Variants in SNX29 observed in about 807,000 individuals in gnomAD.
The protein encoded by SNX29 is sorting nexin 29, also known as sorting nexin-29.
In SNX29, 78 loss-of-function variants were observed where a neutral mutation model predicts 102.1. That is an observed-to-expected ratio of 0.76 (90% CI 0.64 to 0.92). The LOEUF (loss-of-function observed/expected upper bound fraction) is 0.92, where lower values mean the gene tolerates loss of function less well. Among genes scored for constraint, SNX29 ranks in the 40% least tolerant of loss-of-function variants. The probability of loss-of-function intolerance (pLI) is 0.00; values close to 1 mark genes in which losing one functional copy is unlikely to be tolerated. For missense variants in SNX29, 1,280 were observed against 1,061.7 expected (o/e 1.21, Z -2.86); for synonymous variants, 580 against 414.5 (o/e 1.40, Z -4.85).
chr16:12,568,806 T>A lies in SNX29; in HGVS notation c.*177T>A. ...TAAACTAATCAGTCTTCGAGCCGCA[T>A]GATACCGTGACCCGAGAGACCAAGG... On this transcript the variant is annotated 3_prime_UTR_variant, in exon 21 of 21. Coordinates refer to ENST00000566228, the MANE Select transcript of SNX29 (RefSeq NM_032167.5). The A allele has an allele frequency of 9.8e-7, 1 of 1,018,274 alleles. No individual in the cohort carries two copies. Among genetic ancestry groups the A allele is most frequent in the Non-Finnish European group, 1.4e-6 (1 of 719,122 alleles). The allele number at this position is 1,018,274 out of a possible 1,614,324, so 63.1% of individuals were successfully genotyped here.
At position 12,287,894 on chromosome 16, in the gene SNX29, A is replaced by T. The variant is rs2079651341; in HGVS notation, c.1782+9858A>T. Among the ~76,000 whole-genome samples, 3 of 152,110 alleles carry T rather than the reference A, an allele frequency of 2.0e-5. No individual in the cohort carries two copies. In the South Asian group the frequency reaches 6.2e-4, roughly 32 times the overall value. On this transcript the variant is annotated intron_variant, in intron 15 of 20. Coordinates refer to ENST00000566228, the MANE Select transcript of SNX29 (RefSeq NM_032167.5). ...TTGATCCTAGAGAATTTCTCCTACC[A>T]GTGTTTTTTGAGGGTGTATTACATG...
chr16:12,087,845 G>C (rs11648228), intron 11 of SNX29: 2 of 456,734 alleles, frequency 4.4e-6, no homozygotes, highest in Non-Finnish European at 8.8e-6. Context: ...CCTGGTTGAC[G>C]TGGCTGGGAA....
intron 13 of SNX29, among the ~76,000 whole-genome samples, chr16:12,165,329 T>C (rs1399885826): frequency 6.6e-6 from 1 of 152,244 alleles, no homozygotes; most frequent in East Asian, 1.9e-4. Flanking sequence ...TATTATGTGG[T>C]GCATATACAG....
intron 20 of SNX29, among the ~76,000 whole-genome samples, chr16:12,540,393 A>G (rs2077277224): frequency 6.6e-6 from 1 of 152,218 alleles, no homozygotes; most frequent in Non-Finnish European, 1.5e-5. Context: ...AAATTGGCAC[A>G]AAGTTAGTGG....
chr16:12,406,136 A>G (rs2084154645), intron 18 of SNX29, among the ~76,000 whole-genome samples: 1 of 152,184 alleles, frequency 6.6e-6, no homozygotes, highest in South Asian at 2.1e-4. Context: ...AAAAAAATAC[A>G]TCAGGGTCAA....
intron 2 of SNX29, among the ~76,000 whole-genome samples, 160 bp from the exon 3 acceptor site, chr16:12,002,831 C>T (rs1033750589): frequency 6.6e-6 from 1 of 152,184 alleles, no homozygotes; most frequent in Middle Eastern, 3.2e-3. Context: ...CTTCTTAAGT[C>T]TTGTGCTGAT....
chr16:12,226,186 T>C (rs1447409760), intron 14 of SNX29, among the ~76,000 whole-genome samples: 3 of 152,230 alleles, frequency 2.0e-5, no homozygotes, highest in African/African-American at 7.2e-5. Context: ...TTAATGTTAA[T>C]AGGCAGCCAC....
intron 13 of SNX29, among the ~76,000 whole-genome samples, chr16:12,195,191 T>C (rs939612758): frequency 1.3e-5 from 2 of 152,192 alleles, no homozygotes; most frequent in African/African-American, 2.4e-5. Context: ...GTAATATTCA[T>C]CCCTGGGGAT....
At chr16:12,463,315 C>G (rs1169041246) in intron 18 of SNX29, among the ~76,000 whole-genome samples, 1 of 152,192 alleles carries the variant, frequency 6.6e-6, no homozygotes, top group Non-Finnish European at 1.5e-5. Context: ...GGTTTTCATG[C>G]TGCTGATAAA....
intron 18 of SNX29, among the ~76,000 whole-genome samples, chr16:12,417,330 G>T (rs1416892527): frequency 6.6e-6 from 1 of 152,180 alleles, no homozygotes; most frequent in Non-Finnish European, 1.5e-5. Context: ...AGCTTCCATG[G>T]AAGCCGCCTC....
At chr16:12,431,049 A>G (rs4781235) in intron 18 of SNX29, among the ~76,000 whole-genome samples, 89,841 of 151,820 alleles carry the variant, frequency 0.59, 26,734 homozygotes, top group East Asian at 0.69. Context: ...ACGGAGTTTC[A>G]CCGTGTTGGT....
At chr16:12,458,563 G>T (rs1460325483) in intron 18 of SNX29, among the ~76,000 whole-genome samples, 1 of 152,178 alleles carries the variant, frequency 6.6e-6, no homozygotes, top group Non-Finnish European at 1.5e-5. Flanking sequence ...TTTCTAGAGG[G>T]AGAAAGGAAG....
intron 20 of SNX29, among the ~76,000 whole-genome samples, chr16:12,557,021 C>CCCCT (rs2078408678): frequency 4.7e-5 from 2 of 42,560 alleles, no homozygotes; most frequent in Admixed American, 1.8e-4. Flanking sequence ...ATTTACCCCC[C>CCCCT]CCCCGCCCCA....
intron 16 of SNX29, among the ~76,000 whole-genome samples, chr16:12,359,117 C>A (rs915391657): frequency 6.6e-6 from 1 of 152,156 alleles, no homozygotes. Flanking sequence ...AAGTGAGGGG[C>A]GGTCTTGTGG....
At chr16:12,339,755 C>T (rs997852979) in intron 15 of SNX29, among the ~76,000 whole-genome samples, 2 of 152,232 alleles carry the variant, frequency 1.3e-5, no homozygotes, top group Non-Finnish European at 2.9e-5. Context: ...GAGGGTTTCT[C>T]TCCCAGTAGC....
chr16:12,058,808 T>TG (rs1373120412), intron 8 of SNX29, among the ~76,000 whole-genome samples: 925 of 49,156 alleles, frequency 0.019, 13 homozygotes, highest in Non-Finnish European at 0.027. Flanking sequence ...TTTTTTTTTT[T>TG]TTTTTTTTTT....
chr16:12,104,575 CA>C (rs150676036), intron 11 of SNX29, among the ~76,000 whole-genome samples: 2,731 of 141,808 alleles, frequency 0.019, 64 homozygotes, highest in African/African-American at 0.063. Flanking sequence ...AACAAATAAA[CA>C]AAAAAAAAAA....
intron 16 of SNX29, among the ~76,000 whole-genome samples, chr16:12,389,563 T>C (rs533957065): frequency 6.6e-6 from 1 of 152,292 alleles, no homozygotes; most frequent in South Asian, 2.1e-4. Context: ...TAAACCTCTT[T>C]CCTTTATAAT....
At chr16:12,549,906 C>T (rs1448883527) in intron 20 of SNX29, among the ~76,000 whole-genome samples, 2 of 152,230 alleles carry the variant, frequency 1.3e-5, no homozygotes, top group African/African-American at 2.4e-5. Context: ...AAAATGATGG[C>T]CCACAGGCCA....
Sources: gnomAD v4.1 joint callset for allele counts (sites outside exome capture counted in the v4.1 genomes callset) on GRCh38, gnomAD v4.1.1 for gene constraint, MANE v1.5 for transcripts, NCBI Gene and HGNC (gene_info 2026-07-23, HGNC 2026-07-21) for gene names.